AKAP10: variants seen among roughly 807,000 people sequenced by gnomAD.
The protein encoded by AKAP10 is A-kinase anchor protein 10, mitochondrial.
In AKAP10, 24 loss-of-function variants were observed where a neutral mutation model predicts 80.8. The ratio of observed to expected loss-of-function variants is 0.30; its 90% CI spans 0.22 to 0.42. The LOEUF (loss-of-function observed/expected upper bound fraction) is 0.42, where lower values mean the gene tolerates loss of function less well. Ranked by LOEUF, AKAP10 falls within the 10% of genes least tolerant of loss-of-function variation. The pLI, the probability that AKAP10 is intolerant of heterozygous loss-of-function variation, is 1.00. For synonymous variants in AKAP10, 291 were observed against 277.7 expected (o/e 1.05, Z -0.48); for missense variants, 661 against 794.9 (o/e 0.83, Z 2.03).
intron 1 of AKAP10, among the ~76,000 whole-genome samples, chr17:19,975,920 C>A (rs1381868547): frequency 2.0e-5 from 3 of 152,126 alleles, no homozygotes; most frequent in African/African-American, 7.2e-5. Flanking sequence ...TTAGGTATAC[C>A]CCTGCCTTAC....
chr17:19,962,295 T>TACACACACAC (rs36115670), intron 3 of AKAP10, among the ~76,000 whole-genome samples: 2 of 125,054 alleles, frequency 1.6e-5, no homozygotes, highest in Admixed American at 8.2e-5. Context: ...TACATACATA[T>TACACACACAC]ACACACACAC....
At chr17:19,906,278 C>CA in intron 14 of AKAP10, 46 bp from the exon 15 acceptor site, 3 of 1,585,486 alleles carry the variant, frequency 1.9e-6, no homozygotes, top group Non-Finnish European at 2.6e-6. Context: ...ATTTCTCTAA[C>CA]AAGTGACCTA....
At chr17:19,929,219 T>G (rs140772708) in intron 10 of AKAP10, among the ~76,000 whole-genome samples, 55 of 152,132 alleles carry the variant, frequency 3.6e-4, no homozygotes, top group African/African-American at 1.3e-3. Context: ...AGTGGGGGAT[T>G]TGGAGTTTAA....
chr17:19,931,315 C>T (rs2042930042), intron 10 of AKAP10, among the ~76,000 whole-genome samples: 1 of 148,010 alleles, frequency 6.8e-6, no homozygotes, highest in East Asian at 1.9e-4. Flanking sequence ...CAGCATGATA[C>T]TTTACAATAC....
At chr17:19,934,510 G>A (rs1282901770) in intron 9 of AKAP10, among the ~76,000 whole-genome samples, 1 of 152,032 alleles carries the variant, frequency 6.6e-6, no homozygotes, top group Non-Finnish European at 1.5e-5. Context: ...ACTACGCCCA[G>A]CTAATTTTTG....
rs753684987 is a variant in AKAP10, at chr17:19,936,421, G to A, written c.1332C>T (p.Ser444=). ...ATCCAAGAGGATGTGTGGCTTGGAG[G>A]GAGAAGTACCTATGGTAAAAAGATA... ...DAMILYDKYF[S]LQATHPLGFD... Residue 444 remains serine (S), a synonymous_variant, in exon 9 of 15, where the codon TCC becomes TCT. Transcript: ENST00000225737. 6 of 1,607,728 alleles carry A rather than the reference G, an allele frequency of 3.7e-6. No individual in the cohort carries two copies. Among genetic ancestry groups the A allele is most frequent in the Non-Finnish European group, 4.3e-6 (5 of 1,175,796 alleles).
At chr17:19,921,238 G>A (rs888099557) in intron 11 of AKAP10, among the ~76,000 whole-genome samples, 1 of 151,472 alleles carries the variant, frequency 6.6e-6, no homozygotes, top group African/African-American at 2.4e-5. Context: ...TGTGATCTAA[G>A]TTCACTGCAA....
chr17:19,954,533 G>A (rs1318564758), intron 4 of AKAP10, among the ~76,000 whole-genome samples: 1 of 148,148 alleles, frequency 6.8e-6, no homozygotes, highest in Non-Finnish European at 1.5e-5. Flanking sequence ...TGCCCAGGCT[G>A]GAGTGCAGTG....
chr17:19,933,657 C>T lies in AKAP10; in HGVS notation c.1468-1679G>A, dbSNP rs571587646. On this transcript the variant is annotated intron_variant, in intron 9 of 14. Transcript: ENST00000225737. ...ATTTTAATCGTGAAAATATTATCAT[C>T]ATTGGGTAACAGCTGACACTCTATT... 3.9e-5 allele frequency among the ~76,000 whole-genome samples: 6 copies of T among 152,222 alleles called. No homozygotes were observed. The East Asian group carries it at 1.2e-3, about 29-fold the overall frequency.
intron 9 of AKAP10, among the ~76,000 whole-genome samples, chr17:19,935,556 C>T (rs2042983483): frequency 6.6e-6 from 1 of 152,064 alleles, no homozygotes; most frequent in Non-Finnish European, 1.5e-5. Context: ...CAAACATATA[C>T]AGCTGTACAA....
chr17:19,919,443 G>A (rs909278843), intron 12 of AKAP10, among the ~76,000 whole-genome samples: 4 of 152,074 alleles, frequency 2.6e-5, no homozygotes, highest in African/African-American at 4.8e-5. Context: ...CAGCACTTTG[G>A]GAAGCCAAGG....
At position 19,941,003 on chromosome 17, in the gene AKAP10, T is replaced by G. The variant is rs370727284; in HGVS notation, c.1069A>C (p.Ser357Arg). Residue 357 changes from serine to arginine, a missense_variant, in exon 7 of 15, where the codon AGT becomes CGT. Physicochemically the swap from Ser to Arg is moderately radical, Grantham distance 110. Transcript: ENST00000225737. ...VFSAMEQEHF[S>R]EFLRSHHFCK... Reference sequence around the variant, plus strand: ...AAATGGTGACTTCGCAGAAACTCACTAAAGTGCCTGCACATGGACAAAAGG... The same window carrying G: ...AAATGGTGACTTCGCAGAAACTCACGAAAGTGCCTGCACATGGACAAAAGG... 1 of 1,600,520 alleles carries G rather than the reference T, an allele frequency of 6.2e-7. No homozygotes were observed. The highest frequency in any genetic ancestry group is 1.3e-5 in the African/African-American group (1 of 74,218).
At chr17:19,921,038 A>G (rs1388733000) in intron 11 of AKAP10, among the ~76,000 whole-genome samples, 1 of 151,884 alleles carries the variant, frequency 6.6e-6, no homozygotes, top group Non-Finnish European at 1.5e-5. Context: ...AAATCACCCA[A>G]CAGAAATAAT....
intron 5 of AKAP10, among the ~76,000 whole-genome samples, chr17:19,942,943 C>T (rs1310160785): frequency 6.6e-6 from 1 of 151,976 alleles, no homozygotes; most frequent in African/African-American, 2.4e-5. Flanking sequence ...CTTTGTCACC[C>T]AAGCCGGAGT....
At chr17:19,959,706 G>A (rs2043325881) in intron 3 of AKAP10, among the ~76,000 whole-genome samples, 1 of 152,080 alleles carries the variant, frequency 6.6e-6, no homozygotes, top group Non-Finnish European at 1.5e-5. Context: ...TCATAAAGAT[G>A]GGCATTCTTA....
intron 12 of AKAP10, among the ~76,000 whole-genome samples, chr17:19,910,263 T>A (rs553693008): frequency 6.9e-6 from 1 of 145,874 alleles, no homozygotes; most frequent in Admixed American, 7.1e-5. Flanking sequence ...GGAGCAGAGG[T>A]TGAAGCGAGC....
chr17:19,932,324 C>T (rs1393428950), intron 9 of AKAP10, among the ~76,000 whole-genome samples: 1 of 151,600 alleles, frequency 6.6e-6, no homozygotes, highest in Non-Finnish European at 1.5e-5. Context: ...TGGTGGTGAG[C>T]GCCTGTAATC....
chr17:19,936,147 C>G (rs1372790437), intron 9 of AKAP10, 139 bp downstream of exon 9: 1 of 960,724 alleles, frequency 1.0e-6, no homozygotes, highest in African/African-American at 1.7e-5. Flanking sequence ...AGGCCAGACT[C>G]AAGGCCTCTG....
intron 10 of AKAP10, among the ~76,000 whole-genome samples, chr17:19,928,932 A>G (rs561330349): frequency 7.0e-6 from 1 of 143,272 alleles, no homozygotes; most frequent in South Asian, 2.2e-4. Context: ...TGGTCACAGT[A>G]GCATTATTGA....
Sources: allele counts gnomAD v4.1 joint callset (sites outside exome capture counted in the v4.1 genomes callset), GRCh38; gene constraint gnomAD v4.1.1; transcripts MANE v1.5; gene names NCBI Gene and HGNC (gene_info 2026-07-23, HGNC 2026-07-21).